The following IQSEC1 variants were observed in gnomAD, a reference collection of about 807,000 sequenced individuals.
IQSEC1 encodes IQ motif and SEC7 domain-containing protein 1.
IQSEC1 carries 31 observed loss-of-function variants against 91.0 expected under a neutral mutation model. The observed-to-expected ratio is 0.34, with a 90% confidence interval of 0.26 to 0.46. The LOEUF (loss-of-function observed/expected upper bound fraction) is 0.46. IQSEC1 is among the 20% of genes least tolerant of loss of function. The pLI is 1.00. For missense variants in IQSEC1, 1,388 were observed against 1,575.6 expected (o/e 0.88, Z 2.02); for synonymous variants, 699 against 662.6 (o/e 1.05, Z -0.84).
In IQSEC1 at chr3:12,922,137, C is replaced by A. The variant is rs953016098; in HGVS notation, c.1836G>T (p.Arg612=). 30 of 1,608,314 alleles carry A rather than the reference C, an allele frequency of 1.9e-5. No individual in the cohort carries two copies. Among genetic ancestry groups the A allele is most frequent in the Non-Finnish European group, 2.5e-5 (29 of 1,176,222 alleles). ...RVQGEAQKVE[R]LIEAFSQRYC... ...GGCCCCACCTGAACGCCTCTATGAG[C>A]CGCTCCACTTTCTGAGCCTCCCCTT... The change falls in exon 5 of 14, where the codon CGG becomes CGT. Residue 612 remains arginine, a synonymous_variant. Transcript: ENST00000613206. The surrounding 1 kb of genome is among the most constrained non-coding windows in gnomAD (Gnocchi z 5.1).
intron 2 of IQSEC1, among the ~76,000 whole-genome samples, chr3:13,148,346 TCC>T (rs1706931851): frequency 6.6e-6 from 1 of 152,008 alleles, no homozygotes; most frequent in African/African-American, 2.4e-5. Context: ...TCCACCCCTC[TCC>T]CCAAGCCCGG....
At chr3:13,092,015 G>C (rs1705869810) in intron 2 of IQSEC1, among the ~76,000 whole-genome samples, 1 of 152,106 alleles carries the variant, frequency 6.6e-6, no homozygotes, top group African/African-American at 2.4e-5. Flanking sequence ...GCAGTTCTAA[G>C]GGCCTGTGCA....
intron 1 of IQSEC1, among the ~76,000 whole-genome samples, chr3:13,264,727 G>C (rs1389770911): frequency 6.6e-6 from 1 of 151,870 alleles, no homozygotes; most frequent in Non-Finnish European, 1.5e-5. Flanking sequence ...ACGGAGGAGA[G>C]GGCAGGAGGG....
rs1381084885 is a variant in IQSEC1, at chr3:12,967,624, CGCGGCTCCG to C, written c.24-25768_24-25760del. On this transcript the variant is annotated intron_variant, in intron 1 of 13. Coordinates refer to ENST00000613206, the MANE Select transcript of IQSEC1 (RefSeq NM_001134382.3). The surrounding 1 kb of genome is among the most constrained non-coding windows in gnomAD (Gnocchi z 5.9). Reference sequence around the variant, plus strand: ...TCCTGGTCCAGCGTCCGCCGGCTCCCGCGGCTCCGGCCCCAAGTCCGAGCCCCAGGCCAG... The same window carrying C: ...TCCTGGTCCAGCGTCCGCCGGCTCCCGCCCCAAGTCCGAGCCCCAGGCCAG... 6 of 1,232,804 alleles carry C rather than the reference CGCGGCTCCG, an allele frequency of 4.9e-6. No homozygotes were observed. In the African/African-American group the frequency reaches 7.9e-5, roughly 16 times the overall value. The allele number at this position is 1,232,804 out of a possible 1,614,324, so 76.4% of individuals were successfully genotyped here.
Position 13,282,075 on chromosome 3 carries a change from A to G in IQSEC1, c.272+636T>C, listed in dbSNP as rs776991420. 2.4e-4 allele frequency among the ~76,000 whole-genome samples: 36 copies of G among 151,932 alleles called. No homozygotes were observed. The highest frequency in any genetic ancestry group is 4.3e-4 in the Non-Finnish European group (29 of 67,944). On this transcript the variant is annotated intron_variant, in intron 1 of 15. Coordinates refer to the IQSEC1 transcript ENST00000648114. The surrounding 1 kb of genome is among the most constrained non-coding windows in gnomAD (Gnocchi z 6.4). Reference sequence around the variant, plus strand: ...GGGCTGCTGGACAGCCCCGCCCTGTACCTCTCCCCATCCCTCACTTAATCC... The same window carrying G: ...GGGCTGCTGGACAGCCCCGCCCTGTGCCTCTCCCCATCCCTCACTTAATCC...
At chr3:13,185,263 G>T (rs185260541) in intron 1 of IQSEC1, among the ~76,000 whole-genome samples, 108 of 152,256 alleles carry the variant, frequency 7.1e-4, no homozygotes, top group African/African-American at 2.6e-3. Flanking sequence ...AGGCTGTTTA[G>T]AAGGCCAGCA....
At chr3:12,976,988 G>A (rs11922549) in intron 1 of IQSEC1, among the ~76,000 whole-genome samples, 19,849 of 152,128 alleles carry the variant, frequency 0.13, 1,364 homozygotes, top group African/African-American at 0.15. Context: ...CATCTCTAGT[G>A]TGCTAGGAGA....
chr3:12,945,395 C>T (rs1439903269), intron 1 of IQSEC1, among the ~76,000 whole-genome samples: 1 of 152,078 alleles, frequency 6.6e-6, no homozygotes, highest in Non-Finnish European at 1.5e-5. Flanking sequence ...TCCCTTCCAT[C>T]CTGGAGCCAG....
At chr3:13,175,349 G>T (rs372840317) in intron 1 of IQSEC1, among the ~76,000 whole-genome samples, 1 of 152,238 alleles carries the variant, frequency 6.6e-6, no homozygotes, top group Non-Finnish European at 1.5e-5. Flanking sequence ...AATTAGCTAT[G>T]ATGAGTGACA....
chr3:13,234,747 G>T (rs143347976), intron 1 of IQSEC1, among the ~76,000 whole-genome samples: 1 of 152,136 alleles, frequency 6.6e-6, no homozygotes, highest in African/African-American at 2.4e-5. Context: ...CACAACTCTC[G>T]GGTGTGACTA....
rs1344548119 is a variant in IQSEC1, at chr3:12,908,058, TAAAC to T, written c.2755+287_2755+290del. 6.6e-6 allele frequency among the ~76,000 whole-genome samples: 1 copy of T among 152,134 alleles called. No homozygotes were observed. Among genetic ancestry groups the T allele is most frequent in the Non-Finnish European group, 1.5e-5 (1 of 68,000 alleles). The stretch of plus-strand genomic sequence containing the variant: ...GGGCTAGAGCGACTTCCCAGATCAA[TAAAC>T]AAGTAAATAAAACCCCTGGAAGAAG... On this transcript the variant is annotated intron_variant, in intron 12 of 13. Transcript: ENST00000613206. This position sits in a 1 kb window ranked among gnomAD's most constrained non-coding sequence, Gnocchi z 4.9.
chr3:13,056,071 T>C (rs923080531), intron 1 of IQSEC1, among the ~76,000 whole-genome samples: 1 of 152,174 alleles, frequency 6.6e-6, no homozygotes, highest in Non-Finnish European at 1.5e-5. Flanking sequence ...GGTCAGGCCA[T>C]GTCCAACTTC....
intron 2 of IQSEC1, among the ~76,000 whole-genome samples, chr3:13,154,479 A>AC (rs1232431148): frequency 7.6e-6 from 1 of 131,692 alleles, no homozygotes; most frequent in Non-Finnish European, 1.6e-5. Flanking sequence ...ATATATATGC[A>AC]AAAACTGATA....
At chr3:13,024,339 GT>G (rs1287073774) in intron 1 of IQSEC1, among the ~76,000 whole-genome samples, 4 of 147,516 alleles carry the variant, frequency 2.7e-5, no homozygotes, top group African/African-American at 1.0e-4. Context: ...CCATCCATCT[GT>G]TCCCTCACCC....
At position 12,900,961 on chromosome 3, in the gene IQSEC1, C is replaced by G. The variant is rs756412212; in HGVS notation, c.*22G>C. The G allele has an allele frequency of 6.5e-7, 1 of 1,541,566 alleles. No homozygotes were observed. Among genetic ancestry groups the G allele is most frequent in the South Asian group, 1.2e-5 (1 of 84,062 alleles). The stretch of plus-strand genomic sequence containing the variant: ...GTGGTGTGCAGGTGTTTCAGGGAGC[C>G]TGGGACCCCTACCCAGGCTGTCTAC... On this transcript the variant is annotated 3_prime_UTR_variant, in exon 14 of 14. Coordinates refer to ENST00000613206, the MANE Select transcript of IQSEC1 (RefSeq NM_001134382.3).
intron 1 of IQSEC1, among the ~76,000 whole-genome samples, chr3:13,028,837 G>A (rs1666851172): frequency 6.6e-6 from 1 of 152,224 alleles, no homozygotes; most frequent in African/African-American, 2.4e-5. Context: ...GAGTCTCAGA[G>A]GTGGAGGCGA....
rs76486021 is a variant in IQSEC1, at chr3:13,219,718, C to T, written c.273-55585G>A. Among the ~76,000 whole-genome samples, 1,085 of 152,358 alleles carry T rather than the reference C, an allele frequency of 7.1e-3. 12 individuals carry two copies. The highest frequency in any genetic ancestry group is 0.024 in the African/African-American group (1,006 of 41,584). On this transcript the variant is annotated intron_variant, in intron 1 of 15. Transcript: ENST00000648114. ...CAGTGCTGGCCCAAGGCCCGGCCAC[C>T]TCAGCAGGACAGCATGAGGACAGTC...
intron 3 of IQSEC1, among the ~76,000 whole-genome samples, chr3:12,930,890 G>A (rs929567484): frequency 3.3e-5 from 5 of 152,054 alleles, no homozygotes; most frequent in African/African-American, 9.7e-5. Context: ...TTCAGCATTC[G>A]GAGAGTCCCT....
At position 13,227,400 on chromosome 3, in the gene IQSEC1, AG is replaced by A. The variant is rs1483005661; in HGVS notation, c.272+55310del. ...CAAAAAAAAAAAAAAAAAAAAAGAA[AG>A]AAAGAAAAGAAAACGAAAAAAGAAA... On this transcript the variant is annotated intron_variant, in intron 1 of 15. Coordinates refer to the IQSEC1 transcript ENST00000648114. 7.7e-3 allele frequency among the ~76,000 whole-genome samples: 1,134 copies of A among 147,842 alleles called. 24 individuals carry two copies. Among genetic ancestry groups the A allele is most frequent in the African/African-American group, 0.027 (1,045 of 38,604 alleles).
Sources: gnomAD v4.1 joint callset for allele counts (sites outside exome capture counted in the v4.1 genomes callset) on GRCh38, gnomAD v4.1.1 for gene constraint, Gnocchi (gnomAD v3.1) non-coding constraint, MANE v1.5 for transcripts, NCBI Gene and HGNC (gene_info 2026-07-23, HGNC 2026-07-21) for gene names.